The following LMCD1 variants were observed in gnomAD, a reference collection of about 807,000 sequenced individuals.
LMCD1 encodes LIM and cysteine rich domains 1.
Under a neutral mutation model 42.7 loss-of-function variants are expected in LMCD1, and 32 were observed. The observed-to-expected ratio is 0.75, with a 90% CI of 0.57 to 1.01. The LOEUF (loss-of-function observed/expected upper bound fraction) is 1.01. Among genes scored for constraint, LMCD1 ranks in the 50% least tolerant of loss-of-function variants. The probability of loss-of-function intolerance (pLI) is 0.00; values close to 1 mark genes in which losing one functional copy is unlikely to be tolerated. For missense variants in LMCD1, 458 were observed against 483.1 expected (o/e 0.95, Z 0.49); for synonymous variants, 178 against 184.9 (o/e 0.96, Z 0.30).
intron 4 of LMCD1, 82 bp downstream of exon 4, chr3:8,548,985 G>C: frequency 9.7e-7 from 1 of 1,029,924 alleles, no homozygotes; most frequent in Non-Finnish European, 1.4e-6. Context: ...ACGGGGCTTT[G>C]TTCCCTCATT....
rs926523206 is a variant in LMCD1 at position 8,570,248 on chromosome 3, TCTGGGGCAATTCAAAAGA to T, written c.*2655_*2672del. 6.6e-5 allele frequency: 10 copies of T among 152,234 alleles called. No homozygotes were observed. The highest frequency in any genetic ancestry group is 2.2e-4 in the African/African-American group (9 of 41,416). The allele number at this position is 152,234 out of a possible 1,614,324, so 9.4% of individuals were successfully genotyped here. A position where few individuals can be genotyped will look rare whatever the true frequency, so the allele number is the denominator to read the frequency against. On this transcript the variant is annotated 3_prime_UTR_variant, in exon 6 of 6. Coordinates refer to ENST00000157600, the MANE Select transcript of LMCD1 (RefSeq NM_014583.4). ...GCAGGCATGGCCAGCCTGCTCCAGTTCTGGGGCAATTCAAAAGACTGGTCTCTGTTCTAGGAGCAAGGG... is the reference window on the plus strand; with the variant it reads ...GCAGGCATGGCCAGCCTGCTCCAGTTCTGGTCTCTGTTCTAGGAGCAAGGG...
chr3:8,502,286 AT>A, intron 1 of LMCD1, among the ~76,000 whole-genome samples: 1 of 59,216 alleles, frequency 1.7e-5, no homozygotes, highest in African/African-American at 7.1e-5. Flanking sequence ...TAAAATATAT[AT>A]AATATATATT....
At chr3:8,554,852 AC>A (rs1359631520) in intron 4 of LMCD1, among the ~76,000 whole-genome samples, 6 of 151,860 alleles carry the variant, frequency 4.0e-5, no homozygotes, top group Admixed American at 3.9e-4. Flanking sequence ...CTTTCTCCAC[AC>A]CCCGAACTTG....
intron 5 of LMCD1, among the ~76,000 whole-genome samples, chr3:8,566,311 A>G (rs1485374568): frequency 6.6e-6 from 1 of 152,250 alleles, no homozygotes; most frequent in African/African-American, 2.4e-5. Context: ...TTATGATCAT[A>G]GTATGTACTA....
intron 3 of LMCD1, among the ~76,000 whole-genome samples, chr3:8,543,345 C>T (rs1694664869): frequency 6.6e-6 from 1 of 151,752 alleles, no homozygotes; most frequent in African/African-American, 2.4e-5. Flanking sequence ...TATCCTGTGT[C>T]AGAGCCACCC....
intron 2 of LMCD1, among the ~76,000 whole-genome samples, chr3:8,535,785 C>A (rs1694497401): frequency 6.6e-6 from 1 of 152,212 alleles, no homozygotes; most frequent in Non-Finnish European, 1.5e-5. Flanking sequence ...ACAACAAGGC[C>A]TTCTTCTCTT....
chr3:8,553,515 A>G (rs751911049), intron 4 of LMCD1, among the ~76,000 whole-genome samples: 2 of 152,216 alleles, frequency 1.3e-5, no homozygotes, highest in East Asian at 3.9e-4. Flanking sequence ...GCCCACCTGC[A>G]TGGCCGGGGC....
chr3:8,529,838 G>A (rs1006441888), intron 1 of LMCD1, among the ~76,000 whole-genome samples: 1 of 152,174 alleles, frequency 6.6e-6, no homozygotes, highest in African/African-American at 2.4e-5. Context: ...TTCACAAGAT[G>A]TAATTAATGA....
rs57504086 is a variant in LMCD1 at position 8,558,823 on chromosome 3, T to C, written c.724-6609T>C. Reference sequence around the variant, plus strand: ...TTTGCTGAGCTTATGTATAAAGTTATTTTTAAACAGTCTATAACAGCGGTT... The same window carrying C: ...TTTGCTGAGCTTATGTATAAAGTTACTTTTAAACAGTCTATAACAGCGGTT... On this transcript the variant is annotated intron_variant, in intron 4 of 5. Coordinates refer to ENST00000157600, the MANE Select transcript of LMCD1 (RefSeq NM_014583.4). 6.3e-3 allele frequency among the ~76,000 whole-genome samples: 955 copies of C among 152,298 alleles called. 9 individuals carry two copies. The highest frequency in any genetic ancestry group is 0.022 in the African/African-American group (916 of 41,556).
chr3:8,524,430 G>T (rs1206446544), intron 1 of LMCD1, among the ~76,000 whole-genome samples: 1 of 152,068 alleles, frequency 6.6e-6, no homozygotes, highest in African/African-American at 2.4e-5. Context: ...GAAGAGGAAG[G>T]GTTGTGGTTT....
In LMCD1 at chr3:8,562,964, G is replaced by T. The variant is rs75450175; in HGVS notation, c.724-2468G>T. ...AGAACTTTCCACAACTGTCTCTGGAGCCCAGCTCTCTGCTGCACTTAGTCT... is the reference window on the plus strand; with the variant it reads ...AGAACTTTCCACAACTGTCTCTGGATCCCAGCTCTCTGCTGCACTTAGTCT... On this transcript the variant is annotated intron_variant, in intron 4 of 5. Coordinates refer to ENST00000157600, the MANE Select transcript of LMCD1 (RefSeq NM_014583.4). Among the ~76,000 whole-genome samples the T allele has an allele frequency of 6.6e-3, 1,005 of 152,286 alleles. 13 individuals carry two copies. Among genetic ancestry groups the T allele is most frequent in the East Asian group, 0.023 (118 of 5,176 alleles).
chr3:8,522,008 A>G (rs1156822704), intron 1 of LMCD1, among the ~76,000 whole-genome samples: 1 of 151,986 alleles, frequency 6.6e-6, no homozygotes, highest in African/African-American at 2.4e-5. Context: ...GCTTCTATAC[A>G]CTTACTTCTT....
At chr3:8,504,670 CTCTT>C (rs988844113) in intron 1 of LMCD1, among the ~76,000 whole-genome samples, 7 of 152,232 alleles carry the variant, frequency 4.6e-5, no homozygotes, top group Non-Finnish European at 7.3e-5. Flanking sequence ...CCTAACTTCT[CTCTT>C]TCTTTCTAAG....
intron 1 of LMCD1, among the ~76,000 whole-genome samples, chr3:8,513,138 G>T (rs1475574517): frequency 6.6e-6 from 1 of 152,110 alleles, no homozygotes; most frequent in African/African-American, 2.4e-5. Context: ...TCTCCTTATT[G>T]GTTTTCTTTA....
intron 2 of LMCD1, among the ~76,000 whole-genome samples, chr3:8,535,269 T>G (rs926395562): frequency 6.6e-6 from 1 of 152,226 alleles, no homozygotes; most frequent in Non-Finnish European, 1.5e-5. Flanking sequence ...AGAATATTAT[T>G]GATTGTGAAT....
intron 4 of LMCD1, chr3:8,551,372 C>G: frequency 1.0e-6 from 1 of 981,540 alleles, no homozygotes. Flanking sequence ...TATTAAGCCC[C>G]TGCTCTGTGC....
At chr3:8,520,243 C>T (rs555134797) in intron 1 of LMCD1, among the ~76,000 whole-genome samples, 4 of 152,222 alleles carry the variant, frequency 2.6e-5, no homozygotes, top group African/African-American at 9.6e-5. Context: ...CACACACACA[C>T]CAAATGACAT....
chr3:8,524,142 G>C, intron 1 of LMCD1, among the ~76,000 whole-genome samples: 1 of 148,358 alleles, frequency 6.7e-6, no homozygotes, highest in East Asian at 2.0e-4. Context: ...TCTTAAGTGG[G>C]AAAGTGAAAA....
chr3:8,516,018 C>G (rs1694091118), intron 1 of LMCD1, among the ~76,000 whole-genome samples: 1 of 152,124 alleles, frequency 6.6e-6, no homozygotes, highest in Admixed American at 6.5e-5. Context: ...AAACCAGACC[C>G]TGAATTTTTT....
Sources: allele counts gnomAD v4.1 joint callset (sites outside exome capture counted in the v4.1 genomes callset), GRCh38; gene constraint gnomAD v4.1.1; transcripts MANE v1.5; gene names NCBI Gene and HGNC (gene_info 2026-07-23, HGNC 2026-07-21).